MYRIP: variants seen among roughly 807,000 people sequenced by gnomAD.
MYRIP encodes the protein myosin VIIA and Rab interacting protein, also known as rab effector MyRIP.
MYRIP carries 49 observed loss-of-function variants against 98.0 expected under a neutral mutation model. That is an observed-to-expected ratio of 0.50 (90% CI 0.40 to 0.63). MYRIP has a LOEUF of 0.63. Among genes scored for constraint, MYRIP ranks in the 30% least tolerant of loss-of-function variants. The pLI, the probability that MYRIP is intolerant of heterozygous loss-of-function variation, is 0.00. For missense variants in MYRIP, 1,004 were observed against 1,058.2 expected (o/e 0.95, Z 0.71); for synonymous variants, 404 against 409.5 (o/e 0.99, Z 0.16).
At chr3:40,085,419 G>T (rs1948606856) in intron 3 of MYRIP, among the ~76,000 whole-genome samples, 1 of 152,036 alleles carries the variant, frequency 6.6e-6, no homozygotes, top group Non-Finnish European at 1.5e-5. Context: ...CAAGTAGCTG[G>T]GATTACAGGC....
chr3:40,237,440 T>C (rs1327332432), intron 12 of MYRIP, among the ~76,000 whole-genome samples: 1 of 152,192 alleles, frequency 6.6e-6, no homozygotes, highest in African/African-American at 2.4e-5. Flanking sequence ...CAAAAATGTC[T>C]CTAGACATTG....
chr3:39,970,206 C>T (rs1945546797), intron 2 of MYRIP: 1 of 151,962 alleles, frequency 6.6e-6, no homozygotes, highest in South Asian at 2.1e-4. Flanking sequence ...TTTCCCAGTA[C>T]CCTGCTGTGA....
intron 1 of MYRIP, among the ~76,000 whole-genome samples, chr3:39,869,416 A>AT (rs1942717562): frequency 6.6e-6 from 1 of 151,810 alleles, no homozygotes; most frequent in African/African-American, 2.4e-5. Flanking sequence ...TTTTTTCATA[A>AT]TTTCTATCTC....
At chr3:39,970,274 A>T (rs1036213728) in intron 2 of MYRIP, 2 of 151,802 alleles carry the variant, frequency 1.3e-5, no homozygotes, top group Admixed American at 6.6e-5. Context: ...AGACTAAATT[A>T]AAAAAAATAC....
intron 2 of MYRIP, among the ~76,000 whole-genome samples, chr3:39,975,301 C>T (rs918985101): frequency 1.4e-3 from 209 of 152,122 alleles, no homozygotes; most frequent in Non-Finnish European, 2.4e-3. Flanking sequence ...TTCACAATTG[C>T]TTCAAAGAGA....
intron 3 of MYRIP, among the ~76,000 whole-genome samples, chr3:40,074,412 G>A (rs953807980): frequency 6.6e-6 from 1 of 152,026 alleles, no homozygotes; most frequent in Non-Finnish European, 1.5e-5. Flanking sequence ...AAAGGAATTT[G>A]CAAAATTTTT....
chr3:40,141,911 T>C (rs922030001), intron 3 of MYRIP, among the ~76,000 whole-genome samples: 5 of 152,162 alleles, frequency 3.3e-5, no homozygotes, highest in African/African-American at 9.6e-5. Context: ...TTGATCAGGA[T>C]TGCTTTGGCT....
chr3:39,954,692 A>G (rs977480670), intron 2 of MYRIP, among the ~76,000 whole-genome samples: 2 of 152,058 alleles, frequency 1.3e-5, no homozygotes, highest in Non-Finnish European at 2.9e-5. Flanking sequence ...TGACAGAAGT[A>G]GGCCTCAGAC....
intron 1 of MYRIP, among the ~76,000 whole-genome samples, chr3:39,835,514 A>T (rs551399928): frequency 6.6e-6 from 1 of 152,278 alleles, no homozygotes; most frequent in South Asian, 2.1e-4. Context: ...TTTTGAATAA[A>T]TATATATAAT....
intron 5 of MYRIP, among the ~76,000 whole-genome samples, chr3:40,166,596 T>A (rs1296173811): frequency 2.0e-5 from 3 of 151,558 alleles, no homozygotes; most frequent in African/African-American, 4.9e-5. Flanking sequence ...GGAGCAAGAG[T>A]CTAGGAGGGA....
chr3:40,211,311 T>A (rs1414036772), intron 11 of MYRIP, among the ~76,000 whole-genome samples: 3 of 152,228 alleles, frequency 2.0e-5, no homozygotes, highest in Admixed American at 2.0e-4. Flanking sequence ...GTAATGCACA[T>A]GCATGAGTGA....
chr3:40,165,387 AT>A (rs1380338654), intron 5 of MYRIP, among the ~76,000 whole-genome samples: 4 of 152,328 alleles, frequency 2.6e-5, no homozygotes, highest in Middle Eastern at 3.4e-3. Flanking sequence ...AGCTTGAATT[AT>A]TTTTTAATTG....
intron 3 of MYRIP, among the ~76,000 whole-genome samples, chr3:40,110,567 C>T (rs1260809990): frequency 1.3e-5 from 2 of 152,170 alleles, no homozygotes; most frequent in East Asian, 1.9e-4. Context: ...AGGTCAGAAG[C>T]CCTTGCGTAC....
chr3:40,139,249 C>T (rs1949844841), intron 3 of MYRIP, among the ~76,000 whole-genome samples: 3 of 152,018 alleles, frequency 2.0e-5, no homozygotes, highest in Admixed American at 2.0e-4. Context: ...GGGGGCTAAA[C>T]CTTATTAAGG....
rs1393755957 is a variant in MYRIP at position 40,190,036 on chromosome 3, G to C, written c.1238G>C (p.Arg413Thr). ...WSEALSKLCPRSRALPRNPQP... is the reference protein window; with the variant it reads ...WSEALSKLCPTSRALPRNPQP... ...GAGGCCTTGAGCAAGCTGTGTCCCA[G>C]GTCCCGGGCCCTGCCCAGGAACCCC... The change falls in exon 10 of 17, where the codon AGG (arginine) becomes ACG (threonine). Residue 413 changes from arginine to threonine, a missense_variant. Physicochemically the swap from Arg to Thr is moderately conservative, Grantham distance 71 (BLOSUM62 -1). Coordinates refer to ENST00000302541, the MANE Select transcript of MYRIP (RefSeq NM_015460.4). The C allele has an allele frequency of 1.9e-6, 3 of 1,613,946 alleles. No individual in the cohort carries two copies. The African/African-American group carries it at 4.0e-5, about 22-fold the overall frequency.
intron 1 of MYRIP, among the ~76,000 whole-genome samples, chr3:39,852,138 A>C (rs1374866394): frequency 6.6e-6 from 1 of 152,192 alleles, no homozygotes; most frequent in East Asian, 1.9e-4. Context: ...GAAACAGGAA[A>C]AAATCAAAAG....
At chr3:40,168,374 A>G (rs1034970805) in intron 7 of MYRIP, among the ~76,000 whole-genome samples, 14 of 152,226 alleles carry the variant, frequency 9.2e-5, no homozygotes, top group African/African-American at 2.7e-4. Context: ...AGCCTAGCCT[A>G]TCGTAAATGT....
At position 39,996,690 on chromosome 3, in the gene MYRIP, A is replaced by C. The variant is rs1391815400; in HGVS notation, c.111-47360A>C. On this transcript the variant is annotated intron_variant, in intron 2 of 16. Coordinates refer to ENST00000302541, the MANE Select transcript of MYRIP (RefSeq NM_015460.4). ...GCTCTGCACCAAGTGGACCTAATAG[A>C]CATCTACAGAACTCTCCACCTCAAA... 2.0e-5 allele frequency among the ~76,000 whole-genome samples: 3 copies of C among 152,212 alleles called. No individual in the cohort carries two copies. In the South Asian group the frequency reaches 6.2e-4, roughly 32 times the overall value.
At chr3:39,904,742 G>A (rs1274746577) in intron 2 of MYRIP, among the ~76,000 whole-genome samples, 2 of 152,088 alleles carry the variant, frequency 1.3e-5, no homozygotes, top group African/African-American at 4.8e-5. Flanking sequence ...ATCGTGGTTG[G>A]TGTGTAGATA....
Sources: allele counts gnomAD v4.1 joint callset (sites outside exome capture counted in the v4.1 genomes callset), GRCh38; gene constraint gnomAD v4.1.1; transcripts MANE v1.5; gene names NCBI Gene and HGNC (gene_info 2026-07-23, HGNC 2026-07-21).